STRN3: variants seen among roughly 807,000 people sequenced by gnomAD.
The protein encoded by STRN3 is striatin 3, also known as striatin-3.
STRN3 carries 29 observed loss-of-function variants against 95.6 expected under a neutral mutation model. That is an observed-to-expected ratio of 0.30 (90% confidence interval 0.23 to 0.41). The LOEUF is 0.41. Among genes scored for constraint, STRN3 ranks in the 10% least tolerant of loss-of-function variants. STRN3 has a pLI of 1.00. For synonymous variants in STRN3, 331 were observed against 357.6 expected (o/e 0.93, Z 0.84); for missense variants, 890 against 972.1 (o/e 0.92, Z 1.12).
At chr14:31,014,567 T>G in intron 1 of STRN3, 1 of 394,412 alleles carries the variant, frequency 2.5e-6, no homozygotes, top group South Asian at 1.8e-5. Context: ...TTATAAAGTC[T>G]ATCTAAAAGT....
rs1266245019 is a variant in STRN3, at chr14:30,967,469, G to GT, written c.283-11228dup. The stretch of plus-strand genomic sequence containing the variant: ...TAGTTAATAATTGAAGGTCTTCTCC[G>GT]TGACCCTATAACACTCCAATACCAT... On this transcript the variant is annotated intron_variant, in intron 1 of 17. Transcript: ENST00000357479. Among the ~76,000 whole-genome samples the GT allele has an allele frequency of 3.3e-5, 5 of 152,308 alleles. No individual in the cohort carries two copies. The East Asian group carries it at 9.6e-4, about 29-fold the overall frequency.
chr14:30,897,566 C>T (rs2138935312), intron 16 of STRN3, among the ~76,000 whole-genome samples: 1 of 152,318 alleles, frequency 6.6e-6, no homozygotes, highest in East Asian at 1.9e-4. Flanking sequence ...GCCTGGGTGA[C>T]AGAGTGAGAC....
intron 15 of STRN3, among the ~76,000 whole-genome samples, chr14:30,903,951 T>C (rs1455324852): frequency 6.6e-6 from 1 of 152,194 alleles, no homozygotes; most frequent in Non-Finnish European, 1.5e-5. Flanking sequence ...GTAAATAAAA[T>C]GAGAAACAAT....
At position 30,912,020 on chromosome 14, in the gene STRN3, C is replaced by G; in HGVS notation, c.1537G>C (p.Val513Leu). 6.2e-7 allele frequency: 1 copy of G among 1,607,418 alleles called. No homozygotes were observed. Among genetic ancestry groups the G allele is most frequent in the African/African-American group, 1.3e-5 (1 of 74,550 alleles). The change falls in exon 11 of 18, where the codon GTT (valine) becomes CTT (leucine). Residue 513 changes from valine to leucine, a missense_variant. By Grantham distance (32) the Val-to-Leu change is conservative (BLOSUM62 1). This residue lies in a region of STRN3 where 357 missense variants were observed against 422.8 expected (regional missense o/e 0.84). Transcript: ENST00000357479. ...TLKLWNLQKT[V>L]PAKKSASLDV... ...TAAAATACTTGCTTTTTGGCAGGAA[C>G]TGTTTTTTGCAGGTTCCAAAGTTTC...
Position 30,929,205 on chromosome 14 carries a change from C to T in STRN3, c.1095G>A (p.Val365=). 1.9e-6 allele frequency: 3 copies of T among 1,607,590 alleles called. No individual in the cohort carries two copies. Among genetic ancestry groups the T allele is most frequent in the Non-Finnish European group, 1.7e-6 (2 of 1,177,292 alleles). Residue 365 remains valine, a synonymous_variant, in exon 8 of 18, where the codon GTG becomes GTA. Coordinates refer to ENST00000357479, the MANE Select transcript of STRN3 (RefSeq NM_001083893.2). ...YKKERKGKKG[V]KRANRTKLYD... is the part of the protein sequence containing the mutation. ...ATAGTCAGAATCTGCACTTACTCTTCACCCCTTTCTTCCCCTTTCGTTCCT... is the reference window on the plus strand; with the variant it reads ...ATAGTCAGAATCTGCACTTACTCTTTACCCCTTTCTTCCCCTTTCGTTCCT...
Position 30,948,726 on chromosome 14 carries a change from A to C in STRN3, c.543-1463T>G, listed in dbSNP as rs879434344. Reference sequence around the variant, plus strand: ...GAGATAAACTACCTTTAACAAGTTTAGCTATAAAGTTACAGGGAAAGATAA... The same window carrying C: ...GAGATAAACTACCTTTAACAAGTTTCGCTATAAAGTTACAGGGAAAGATAA... On this transcript the variant is annotated intron_variant, in intron 4 of 17. Transcript: ENST00000357479. Among the ~76,000 whole-genome samples the C allele has an allele frequency of 7.2e-5, 11 of 152,374 alleles. 1 individual carries two copies. Among genetic ancestry groups the C allele is most frequent in the Middle Eastern group, 3.4e-3 (1 of 294 alleles).
chr14:30,911,826 T>TA lies in STRN3; in HGVS notation c.1551-3dup. On this transcript the variant is annotated splice_polypyrimidine_tract_variant and splice_region_variant and intron_variant, in intron 11 of 17. Transcript: ENST00000357479. ...GGCTCTACATCTAAAGAGGCACTCC[T>TA]AAAAGAGGGGGAAAAAGGGTAGGGG... is the stretch of plus-strand genomic sequence containing the variant. 1 of 1,604,450 alleles carries TA rather than the reference T, an allele frequency of 6.2e-7. No homozygotes were observed.
intron 1 of STRN3, among the ~76,000 whole-genome samples, chr14:31,002,028 T>C (rs989935300): frequency 1.3e-5 from 2 of 151,430 alleles, no homozygotes; most frequent in Non-Finnish European, 2.9e-5. Flanking sequence ...CAGCCGGGCA[T>C]GGTGGTGCAT....
intron 1 of STRN3, among the ~76,000 whole-genome samples, chr14:30,963,421 T>A (rs1014973260): frequency 3.9e-5 from 6 of 152,202 alleles, no homozygotes; most frequent in Non-Finnish European, 7.3e-5. Context: ...ACTTTTTAAT[T>A]TTTTTGAAAC....
chr14:31,023,541 T>C (rs1883609447), intron 1 of STRN3, among the ~76,000 whole-genome samples: 1 of 152,196 alleles, frequency 6.6e-6, no homozygotes, highest in East Asian at 1.9e-4. Flanking sequence ...ACGTTCTCTA[T>C]TGAAACTATT....
chr14:30,894,920 A>G lies in STRN3; in HGVS notation c.*491T>C. 1 of 1,113,774 alleles carries G rather than the reference A, an allele frequency of 9.0e-7. No individual in the cohort carries two copies. The highest frequency in any genetic ancestry group is 1.1e-6 in the Non-Finnish European group (1 of 874,224). The allele number at this position is 1,113,774 out of a possible 1,614,324, so 69.0% of individuals were successfully genotyped here. A position where few individuals can be genotyped will look rare whatever the true frequency, so the allele number is the denominator to read the frequency against. ...TTTTTTTTTTTTTTAAAGCAAAATA[A>G]GTTTAAAAGGGAATCTGTGGCATTC... On this transcript the variant is annotated 3_prime_UTR_variant, in exon 18 of 18. Coordinates refer to ENST00000357479, the MANE Select transcript of STRN3 (RefSeq NM_001083893.2).
At chr14:30,930,320 G>GTA (rs1878468584) in intron 7 of STRN3, among the ~76,000 whole-genome samples, 1 of 152,098 alleles carries the variant, frequency 6.6e-6, no homozygotes, top group African/African-American at 2.4e-5. Flanking sequence ...TGATAACTCA[G>GTA]TATATTCTGG....
intron 9 of STRN3, among the ~76,000 whole-genome samples, chr14:30,918,496 G>C (rs747137378): frequency 1.2e-4 from 18 of 146,830 alleles, no homozygotes; most frequent in Non-Finnish European, 2.4e-4. Flanking sequence ...GAGACAGAGT[G>C]AGACTCTGTC....
At chr14:30,929,967 A>AAAAAAAAACAAAAAC (rs1555317342) in intron 7 of STRN3, among the ~76,000 whole-genome samples, 1 of 91,122 alleles carries the variant, frequency 1.1e-5, no homozygotes, top group African/African-American at 3.8e-5. Flanking sequence ...AAAAAAAAAA[A>AAAAAAAAACAAAAAC]AAAAAAAAAA....
intron 7 of STRN3, among the ~76,000 whole-genome samples, chr14:30,929,967 A>AAAAAC (rs1555317338): frequency 1.1e-5 from 1 of 91,122 alleles, no homozygotes; most frequent in African/African-American, 3.8e-5. Context: ...AAAAAAAAAA[A>AAAAAC]AAAAAAAAAA....
At chr14:30,947,732 A>C (rs1267747692) in intron 4 of STRN3, among the ~76,000 whole-genome samples, 1 of 152,170 alleles carries the variant, frequency 6.6e-6, no homozygotes, top group Non-Finnish European at 1.5e-5. Context: ...GAGATTGATG[A>C]ACACACTAAT....
At position 30,912,179 on chromosome 14, in the gene STRN3, G is replaced by T. The variant is rs763144893; in HGVS notation, c.1378C>A (p.Pro460Thr). ...TTTCGAAAGGCATCTTTATTAGCAG[G>T]CAACTAAAAGGAAAGAGCACAATAT... ...TNDADYSYDL[P>T]ANKDAFRKTW... is the part of the protein sequence containing the mutation. The change falls in exon 11 of 18, where the codon CCT becomes ACT. Residue 460 changes from proline to threonine, a missense_variant. Physicochemically the swap from Pro to Thr is conservative, Grantham distance 38. Transcript: ENST00000357479. 1.2e-6 allele frequency: 2 copies of T among 1,610,722 alleles called. No homozygotes were observed. The highest frequency in any genetic ancestry group is 4.5e-5 in the East Asian group (2 of 44,824).
chr14:30,963,930 A>C (rs569789545), intron 1 of STRN3, among the ~76,000 whole-genome samples: 1 of 152,234 alleles, frequency 6.6e-6, no homozygotes, highest in Non-Finnish European at 1.5e-5. Flanking sequence ...GCAGGGGGGA[A>C]TTTATAGATA....
chr14:31,013,304 T>TA (rs1033539025), intron 1 of STRN3, among the ~76,000 whole-genome samples: 1 of 150,966 alleles, frequency 6.6e-6, no homozygotes, highest in East Asian at 2.0e-4. Flanking sequence ...GCCCAGGAGA[T>TA]AGAGGTCGCA....
Sources: allele counts gnomAD v4.1 joint callset (sites outside exome capture counted in the v4.1 genomes callset), GRCh38; gene constraint gnomAD v4.1.1; regional missense constraint gnomAD v4.1.1; transcripts MANE v1.5; gene names NCBI Gene and HGNC (gene_info 2026-07-23, HGNC 2026-07-21).